Variants in ZNF469 observed in about 807,000 individuals in gnomAD.
The protein encoded by ZNF469 is zinc finger protein 469.
Under a neutral mutation model 1.0 loss-of-function variants are expected in ZNF469, and 1 was observed. The observed-to-expected ratio is 1.00, with a 90% CI of 0.35 to 4.73. The LOEUF (loss-of-function observed/expected upper bound fraction) is 4.73, where lower values mean the gene tolerates loss of function less well. ZNF469 is among the 30% of genes most tolerant of loss of function. The probability of loss-of-function intolerance (pLI) is 0.16; values close to 1 mark genes in which losing one functional copy is unlikely to be tolerated. For missense variants in ZNF469, 6,100 were observed against 5,356.3 expected, an observed-to-expected ratio of 1.14 and a Z score of -4.33; for synonymous variants, 2,703 against 2,363.4, an observed-to-expected ratio of 1.14 and a Z score of -4.17.
At chr16:88,412,811 C>T (rs1259290778) in intron 1 of ZNF469, among the ~76,000 whole-genome samples, 1 of 152,222 alleles carries the variant, frequency 6.6e-6, no homozygotes, top group African/African-American at 2.4e-5. Context: ...ATAGTAGTTA[C>T]TTGTTTTACA....
At chr16:88,190,041 TTC>T in the ZNF469 span, among the ~76,000 whole-genome samples, 5 of 143,452 alleles carry the variant, frequency 3.5e-5, no homozygotes, top group African/African-American at 1.3e-4. Flanking sequence ...TCCTCTACTT[TTC>T]TCTCTCTTGT....
chr16:88,107,385 C>T, the ZNF469 span, among the ~76,000 whole-genome samples: 2 of 152,190 alleles, frequency 1.3e-5, no homozygotes, highest in African/African-American at 4.8e-5. Context: ...AAATGCAGAG[C>T]AAAGGTGGGA....
the ZNF469 span, among the ~76,000 whole-genome samples, chr16:88,297,031 C>T: frequency 1.3e-5 from 2 of 152,360 alleles, no homozygotes; most frequent in Admixed American, 6.5e-5. Flanking sequence ...GTCTCCCAAA[C>T]GCTGGAAAAG....
chr16:88,158,646 C>T, the ZNF469 span, among the ~76,000 whole-genome samples: 1 of 152,186 alleles, frequency 6.6e-6, no homozygotes, highest in Admixed American at 6.5e-5. Context: ...GCCTGGAAAA[C>T]GGAGGGGAAG....
chr16:88,292,820 C>T, the ZNF469 span, among the ~76,000 whole-genome samples: 4 of 88,432 alleles, frequency 4.5e-5, no homozygotes, highest in South Asian at 1.7e-3. Context: ...AAAAAAAAAA[C>T]CTCTAACAGA....
Position 88,438,203 on chromosome 16 carries a change from C to T in ZNF469, c.10733C>T (p.Pro3578Leu). The T allele has an allele frequency of 6.5e-7, 1 of 1,547,266 alleles. No homozygotes were observed. Among genetic ancestry groups the T allele is most frequent in the East Asian group, 2.4e-5 (1 of 40,820 alleles). ...GCGCTGGACGGAGCCCTGGAGAGGC[C>T]AGAGAACGAGGCTTCCCCAGGCAGC... ...DCALDGALER[P>L]ENEASPGSPG... Residue 3578 changes from proline (P) to leucine (L), a missense_variant, in exon 3 of 3, where the codon CCA becomes CTA. Physicochemically the swap from Pro to Leu is moderately conservative, Grantham distance 98. Coordinates refer to ENST00000565624, the MANE Select transcript of ZNF469 (RefSeq NM_001367624.2).
Position 88,424,839 on chromosome 16 carries a change from G to A in ZNF469, c.-159G>A, listed in dbSNP as rs1013919452. 9.2e-5 allele frequency among the ~76,000 whole-genome samples: 14 copies of A among 152,282 alleles called. No individual in the cohort carries two copies. The East Asian group carries it at 1.9e-3, about 21-fold the overall frequency. Reference sequence around the variant, plus strand: ...ATTCTCATTCCTCAGGAAGTTGTGCGGCGACCCAGCTGAGGGGCCCCCGAC... The same window carrying A: ...ATTCTCATTCCTCAGGAAGTTGTGCAGCGACCCAGCTGAGGGGCCCCCGAC... On this transcript the variant is annotated 5_prime_UTR_variant, in exon 2 of 3. Coordinates refer to ENST00000565624, the MANE Select transcript of ZNF469 (RefSeq NM_001367624.2). The surrounding 1 kb of genome is among the most constrained non-coding windows in gnomAD (Gnocchi z 4.3).
chr16:88,351,274 G>A, the ZNF469 span, among the ~76,000 whole-genome samples: 1 of 152,212 alleles, frequency 6.6e-6, no homozygotes, highest in Non-Finnish European at 1.5e-5. Flanking sequence ...TCACTGGGCT[G>A]TGTGGGTCTC....
At chr16:88,159,887 G>A in the ZNF469 span, among the ~76,000 whole-genome samples, 1 of 152,286 alleles carries the variant, frequency 6.6e-6, no homozygotes, top group Admixed American at 6.5e-5. Context: ...TGAGGCGTCA[G>A]CACAGGCTCA....
chr16:88,405,474 G>T (rs1174113931), intron 1 of ZNF469, among the ~76,000 whole-genome samples: 1 of 152,196 alleles, frequency 6.6e-6, no homozygotes, highest in Non-Finnish European at 1.5e-5. Flanking sequence ...TCCCCAGCGT[G>T]CCCTGTGGCC....
upstream of ZNF469, among the ~76,000 whole-genome samples, chr16:88,381,042 A>T (rs2092522172): frequency 6.8e-6 from 1 of 147,702 alleles, no homozygotes; most frequent in Non-Finnish European, 1.5e-5. Flanking sequence ...ACACACATGC[A>T]CTCACACAGA....
At chr16:88,326,375 C>T in the ZNF469 span, among the ~76,000 whole-genome samples, 109 of 152,340 alleles carry the variant, frequency 7.2e-4, no homozygotes, top group African/African-American at 2.3e-3. Context: ...TCCCCAGCCA[C>T]GTGGAACTGT....
the ZNF469 span, among the ~76,000 whole-genome samples, chr16:88,158,464 G>T: frequency 6.6e-6 from 1 of 152,250 alleles, no homozygotes. Context: ...GCTCAGGCTG[G>T]GGGCCTCGGA....
chr16:88,175,180 C>G, the ZNF469 span, among the ~76,000 whole-genome samples: 2 of 152,200 alleles, frequency 1.3e-5, no homozygotes, highest in African/African-American at 2.4e-5. Context: ...TGTAGTGACA[C>G]CTGCAAAATC....
the ZNF469 span, among the ~76,000 whole-genome samples, chr16:88,110,005 C>T: frequency 6.6e-6 from 1 of 152,368 alleles, no homozygotes; most frequent in Admixed American, 6.5e-5. Flanking sequence ...GAAAACTCTT[C>T]CTGCAAACAG....
At chr16:88,135,760 T>A in the ZNF469 span, among the ~76,000 whole-genome samples, 15 of 134,236 alleles carry the variant, frequency 1.1e-4, 3 homozygotes, top group Non-Finnish European at 1.9e-4. Flanking sequence ...TTTTTTTTTT[T>A]TTTTTTTTTT....
chr16:88,116,877 T>A, the ZNF469 span, among the ~76,000 whole-genome samples: 2,592 of 151,812 alleles, frequency 0.017, 27 homozygotes, highest in African/African-American at 0.024. Flanking sequence ...ATGAGGGGAA[T>A]GGTTAGTGCT....
the ZNF469 span, among the ~76,000 whole-genome samples, chr16:88,363,568 G>A: frequency 2.0e-5 from 3 of 152,198 alleles, no homozygotes; most frequent in South Asian, 2.1e-4. Context: ...TTTTTCCCAT[G>A]TTGGTCTCTC....
chr16:88,130,299 G>A, the ZNF469 span, among the ~76,000 whole-genome samples: 3 of 152,092 alleles, frequency 2.0e-5, no homozygotes, highest in African/African-American at 7.2e-5. Context: ...CAAACCGCAC[G>A]CCGCAGACAG....
Sources: gnomAD v4.1 joint callset for allele counts (sites outside exome capture counted in the v4.1 genomes callset) on GRCh38, gnomAD v4.1.1 for gene constraint, Gnocchi (gnomAD v3.1) non-coding constraint, MANE v1.5 for transcripts, NCBI Gene and HGNC (gene_info 2026-07-23, HGNC 2026-07-21) for gene names.